MORN5: variants seen among roughly 807,000 people sequenced by gnomAD.
MORN5 encodes MORN repeat containing 5, also known as MORN repeat-containing protein 5.
MORN5 carries 21 observed loss-of-function variants against 22.1 expected under a neutral mutation model. That is an observed-to-expected ratio of 0.95 (90% CI 0.67 to 1.37). MORN5 has a LOEUF of 1.37. MORN5 is among the 40% of genes most tolerant of loss of function. The pLI, the probability that MORN5 is intolerant of heterozygous loss-of-function variation, is 0.00. For missense variants in MORN5, 211 were observed against 215.1 expected (o/e 0.98, Z 0.12); for synonymous variants, 73 against 74.0 (o/e 0.99, Z 0.07).
In MORN5 at chr9:122,169,460, A is replaced by T. The variant is rs537325761; in HGVS notation, c.196-185A>T. On this transcript the variant is annotated intron_variant, in intron 2 of 4. Coordinates refer to ENST00000373764, the MANE Select transcript of MORN5 (RefSeq NM_198469.4). ...TGCCAAAGTGAGTTCACCCACTTTGAGCGGCAGGGACAGGGCTCGGCACTT... is the reference window on the plus strand; with the variant it reads ...TGCCAAAGTGAGTTCACCCACTTTGTGCGGCAGGGACAGGGCTCGGCACTT... 1.1e-4 allele frequency among the ~76,000 whole-genome samples: 16 copies of T among 152,284 alleles called. No homozygotes were observed. In the South Asian group the frequency reaches 3.3e-3, roughly 32 times the overall value.
Position 122,200,075 on chromosome 9 carries a change from C to A in MORN5, c.*144C>A. 1 of 751,718 alleles carries A rather than the reference C, an allele frequency of 1.3e-6. No individual in the cohort carries two copies. Among genetic ancestry groups the A allele is most frequent in the Non-Finnish European group, 2.3e-6 (1 of 442,970 alleles). 46.6% of individuals were successfully genotyped at this position (751,718 alleles called of 1,614,324 possible). ...ATTTTAACTCAGGAATAAAGACTTT[C>A]TGCGGTCAGTGGCCCCAGGTGTATT... On this transcript the variant is annotated 3_prime_UTR_variant, in exon 5 of 5. Transcript: ENST00000373764.
intron 1 of MORN5, among the ~76,000 whole-genome samples, chr9:122,163,047 A>T (rs1406278515): frequency 4.9e-5 from 2 of 41,152 alleles, no homozygotes; most frequent in Non-Finnish European, 7.6e-5. Flanking sequence ...TGTGAATATT[A>T]AAAAAAAAAA....
chr9:122,175,996 C>G lies in MORN5; in HGVS notation c.439+1369C>G, dbSNP rs140871454. ...GGGTGCGGTGGCGGGCGCCTGTAGT[C>G]CCACCTACTCAGGAGGCAGGATGAG... is the stretch of plus-strand genomic sequence containing the variant. On this transcript the variant is annotated intron_variant, in intron 4 of 4. Transcript: ENST00000373764. 5.3e-3 allele frequency among the ~76,000 whole-genome samples: 805 copies of G among 152,088 alleles called. 31 individuals carry two copies. Among genetic ancestry groups the G allele is most frequent in the Admixed American group, 0.046 (708 of 15,274 alleles).
chr9:122,181,712 A>G (rs1020638887), intron 4 of MORN5, among the ~76,000 whole-genome samples: 5 of 152,160 alleles, frequency 3.3e-5, no homozygotes, highest in Non-Finnish European at 5.9e-5. Flanking sequence ...TAGATCTACC[A>G]CTGACCAGCT....
In MORN5 at chr9:122,174,552, G is replaced by C. The variant is rs751585952; in HGVS notation, c.364G>C (p.Asp122His). 6.2e-7 allele frequency: 1 copy of C among 1,614,096 alleles called. No homozygotes were observed. The highest frequency in any genetic ancestry group is 2.2e-5 in the East Asian group (1 of 44,878). ...PPRKIPKGYY[D>H]CGDGFYNPVT... is the part of the protein sequence containing the mutation. ...TAGAAAAATCCCCAAGGGCTATTAC[G>C]ATTGTGGAGACGGCTTCTATAACCC... The change falls in exon 4 of 5, where the codon GAT becomes CAT. Residue 122 changes from aspartate (D) to histidine (H), a missense_variant. By Grantham distance (81) the Asp-to-His change is moderately conservative. Coordinates refer to ENST00000373764, the MANE Select transcript of MORN5 (RefSeq NM_198469.4).
intron 4 of MORN5, 23 bp downstream of exon 4, chr9:122,174,650 G>C: frequency 5.6e-6 from 9 of 1,613,860 alleles, no homozygotes; most frequent in Non-Finnish European, 7.6e-6. Flanking sequence ...CGACACTGCA[G>C]CACGTTTTCT....
chr9:122,164,254 AG>A (rs1382872014), intron 1 of MORN5, among the ~76,000 whole-genome samples: 14 of 152,046 alleles, frequency 9.2e-5, no homozygotes, highest in African/African-American at 3.4e-4. Flanking sequence ...AGAAGAAGGG[AG>A]GAGAAGGAGA....
At chr9:122,198,826 G>C (rs1158671760) in intron 4 of MORN5, among the ~76,000 whole-genome samples, 1 of 152,210 alleles carries the variant, frequency 6.6e-6, no homozygotes, top group African/African-American at 2.4e-5. Context: ...CAAAGAGCTG[G>C]ATGTACACAC....
At chr9:122,188,045 G>A (rs1829677018) in intron 4 of MORN5, among the ~76,000 whole-genome samples, 1 of 152,168 alleles carries the variant, frequency 6.6e-6, no homozygotes, top group Non-Finnish European at 1.5e-5. Flanking sequence ...TGGGGAAGGT[G>A]TCAAGGAGGC....
chr9:122,196,710 G>T (rs549627785), intron 4 of MORN5, among the ~76,000 whole-genome samples: 3 of 152,220 alleles, frequency 2.0e-5, no homozygotes. Context: ...AAAGCGGAAA[G>T]AGAAACTCTC....
intron 4 of MORN5, among the ~76,000 whole-genome samples, chr9:122,199,587 T>G (rs768558840): frequency 1.3e-5 from 2 of 152,210 alleles, no homozygotes; most frequent in Non-Finnish European, 2.9e-5. Flanking sequence ...AGTGCCCGAC[T>G]GTGAAGCAGC....
In MORN5 at chr9:122,194,762, G is replaced by A. The variant is rs1829848796; in HGVS notation, c.440-5123G>A. ...AAGCCGGGCACGGTGGACCACACCT[G>A]TAATCCCAACACTTTAAGAGGCCGA... On this transcript the variant is annotated intron_variant, in intron 4 of 4. Transcript: ENST00000373764. Among the ~76,000 whole-genome samples, 3 of 152,142 alleles carry A rather than the reference G, an allele frequency of 2.0e-5. No homozygotes were observed. The South Asian group carries it at 6.2e-4, about 31-fold the overall frequency.
In MORN5 at chr9:122,189,130, G is replaced by A. The variant is rs368842115; in HGVS notation, c.440-10755G>A. Among the ~76,000 whole-genome samples the A allele has an allele frequency of 1.4e-4, 22 of 152,150 alleles. 1 individual carries two copies. The highest frequency in any genetic ancestry group is 4.8e-4 in the African/African-American group (20 of 41,518). On this transcript the variant is annotated intron_variant, in intron 4 of 4. Coordinates refer to ENST00000373764, the MANE Select transcript of MORN5 (RefSeq NM_198469.4). ...GAATCACTTGAACCTGGGAAATGGA[G>A]GTTGCAGTGAGCCAAGATCACGCCA... is the stretch of plus-strand genomic sequence containing the variant.
intron 4 of MORN5, among the ~76,000 whole-genome samples, chr9:122,195,502 C>G (rs1829869199): frequency 6.6e-6 from 1 of 152,094 alleles, no homozygotes; most frequent in South Asian, 2.1e-4. Context: ...GAGTATCGGT[C>G]AGATATTTTG....
chr9:122,184,255 C>T (rs891059180), intron 4 of MORN5, among the ~76,000 whole-genome samples: 4 of 152,202 alleles, frequency 2.6e-5, no homozygotes, highest in Non-Finnish European at 4.4e-5. Context: ...CCAGGTTTCC[C>T]GCTTTCCATT....
In MORN5 at chr9:122,197,385, T is replaced by C. The variant is rs1031051801; in HGVS notation, c.440-2500T>C. 3.3e-5 allele frequency among the ~76,000 whole-genome samples: 5 copies of C among 152,106 alleles called. No individual in the cohort carries two copies. Among genetic ancestry groups the C allele is most frequent in the African/African-American group, 1.2e-4 (5 of 41,418 alleles). ...ATTCCAACAATCGCAATTTGCAAAA[T>C]AGTAATCACAACTCCCAGGATCTGG... On this transcript the variant is annotated intron_variant, in intron 4 of 4. Coordinates refer to ENST00000373764, the MANE Select transcript of MORN5 (RefSeq NM_198469.4). The surrounding 1 kb of genome is among the most constrained non-coding windows in gnomAD (Gnocchi z 5.7).
chr9:122,197,727 C>T lies in MORN5; in HGVS notation c.440-2158C>T, dbSNP rs1369990224. The stretch of plus-strand genomic sequence containing the variant: ...GTTTGTCTGGTTTCAGGGGTTACTG[C>T]TGAAGAGGTTGCAGCTGCACTGATT... On this transcript the variant is annotated intron_variant, in intron 4 of 4. Coordinates refer to ENST00000373764, the MANE Select transcript of MORN5 (RefSeq NM_198469.4). The surrounding 1 kb of genome is among the most constrained non-coding windows in gnomAD (Gnocchi z 5.7). Among the ~76,000 whole-genome samples, 1 of 152,234 alleles carries T rather than the reference C, an allele frequency of 6.6e-6. No homozygotes were observed. The highest frequency in any genetic ancestry group is 2.4e-5 in the African/African-American group (1 of 41,462).
Position 122,167,193 on chromosome 9 carries a change from G to A in MORN5, c.195+278G>A, listed in dbSNP as rs185973292. Among the ~76,000 whole-genome samples, 1,090 of 148,910 alleles carry A rather than the reference G, an allele frequency of 7.3e-3. 8 individuals are homozygous for A. The highest frequency in any genetic ancestry group is 0.01 in the Non-Finnish European group (685 of 67,108). On this transcript the variant is annotated intron_variant, in intron 2 of 4. Transcript: ENST00000373764. Reference sequence around the variant, plus strand: ...CTCCCGAGTAGCTGGGACTACGGGCGTGCACCACCATGCCCAGCTAATTTT... The same window carrying A: ...CTCCCGAGTAGCTGGGACTACGGGCATGCACCACCATGCCCAGCTAATTTT...
intron 4 of MORN5, among the ~76,000 whole-genome samples, chr9:122,191,341 C>T (rs188709444): frequency 9.8e-5 from 15 of 152,368 alleles, no homozygotes; most frequent in Admixed American, 9.1e-4. Context: ...TCTGTGCACA[C>T]ACTCGCAGCT....
Sources: allele counts gnomAD v4.1 joint callset (sites outside exome capture counted in the v4.1 genomes callset), GRCh38; gene constraint gnomAD v4.1.1; non-coding constraint Gnocchi (gnomAD v3.1); transcripts MANE v1.5; gene names NCBI Gene and HGNC (gene_info 2026-07-23, HGNC 2026-07-21).